The following RANBP2 variants were observed in gnomAD, a reference collection of about 807,000 sequenced individuals.
RANBP2 encodes the protein RAN binding protein 2.
Under a neutral mutation model 303.6 loss-of-function variants are expected in RANBP2, and 57 were observed. The observed-to-expected ratio is 0.19, with a 90% CI of 0.15 to 0.23. The LOEUF (loss-of-function observed/expected upper bound fraction) is 0.23, where lower values mean the gene tolerates loss of function less well. RANBP2 is among the 10% of genes least tolerant of loss of function. The pLI, the probability that RANBP2 is intolerant of heterozygous loss-of-function variation, is 1.00. For synonymous variants in RANBP2, 1,167 were observed against 1,301.5 expected, an observed-to-expected ratio of 0.90 and a Z score of 2.23; for missense variants, 3,138 against 3,780.8, an observed-to-expected ratio of 0.83 and a Z score of 4.46.
At chr2:108,990,347 C>CT in the RANBP2 span, among the ~76,000 whole-genome samples, 1 of 147,402 alleles carries the variant, frequency 6.8e-6, no homozygotes, top group South Asian at 2.1e-4. Context: ...AGGAGAATGG[C>CT]GTGAACCCGG....
chr2:109,239,894 G>A, the RANBP2 span, among the ~76,000 whole-genome samples: 1 of 152,220 alleles, frequency 6.6e-6, no homozygotes, highest in African/African-American at 2.4e-5. Context: ...TGCTGAAGGT[G>A]AGGAGTCACT....
At chr2:109,073,841 T>A in the RANBP2 span, among the ~76,000 whole-genome samples, 1 of 150,658 alleles carries the variant, frequency 6.6e-6, no homozygotes. Context: ...AATTGCAGAG[T>A]ACTTCTATAG....
At chr2:108,937,017 A>AGTGCTGTGCCGGGGAACAGACACG in the RANBP2 span, among the ~76,000 whole-genome samples, 1 of 152,200 alleles carries the variant, frequency 6.6e-6, no homozygotes, top group East Asian at 1.9e-4. Flanking sequence ...GGCCCCCCAC[A>AGTGCTGTGCCGGGGAACAGACACG]GTGCTGTGCC....
the RANBP2 span, among the ~76,000 whole-genome samples, chr2:109,403,965 G>C: frequency 1.3e-5 from 2 of 152,218 alleles, no homozygotes; most frequent in Non-Finnish European, 2.9e-5. Context: ...AGTGTTGGCT[G>C]TGGTGGCTCT....
the RANBP2 span, among the ~76,000 whole-genome samples, chr2:108,928,400 T>C: frequency 6.6e-6 from 1 of 152,152 alleles, no homozygotes; most frequent in African/African-American, 2.4e-5. Flanking sequence ...GTGTGCCTTA[T>C]GCACTAAGCT....
rs1182090959 is a variant in RANBP2, at chr2:108,735,662, A to G, written c.536A>G (p.Lys179Arg). The change falls in exon 5 of 29, where the codon AAA becomes AGA. Residue 179 changes from lysine (K) to arginine (R), a missense_variant. This residue lies in a region of RANBP2 where 306 missense variants were observed against 381.9 expected (regional missense o/e 0.80). Transcript: ENST00000283195. Reference sequence around the variant, plus strand: ...CTAGTGGAGGTGTATCGCTCAACTAAAAGATTGAAGGATGCTGTGGCCCAC... The same window carrying G: ...CTAGTGGAGGTGTATCGCTCAACTAGAAGATTGAAGGATGCTGTGGCCCAC... ...IRLVEVYRST[K>R]RLKDAVAHCH... The G allele has an allele frequency of 1.3e-6, 2 of 1,597,598 alleles. No individual in the cohort carries two copies. The highest frequency in any genetic ancestry group is 2.2e-5 in the South Asian group (2 of 90,992).
At chr2:109,234,152 C>T in the RANBP2 span, among the ~76,000 whole-genome samples, 8 of 152,278 alleles carry the variant, frequency 5.3e-5, no homozygotes, top group East Asian at 1.3e-3. Context: ...TTCAAAATAG[C>T]TATACCATGA....
chr2:109,639,767 C>T, the RANBP2 span, among the ~76,000 whole-genome samples: 1 of 150,618 alleles, frequency 6.6e-6, no homozygotes, highest in African/African-American at 2.4e-5. Context: ...GGCTGGAGTG[C>T]AGTGGTGATC....
At chr2:109,502,118 G>A in the RANBP2 span, 1 of 166,964 alleles carries the variant, frequency 6.0e-6, no homozygotes, top group Non-Finnish European at 1.3e-5. Context: ...GCGGGGCCCA[G>A]GTTGCTCTGT....
At chr2:109,204,496 A>G in the RANBP2 span, among the ~76,000 whole-genome samples, 1 of 152,170 alleles carries the variant, frequency 6.6e-6, no homozygotes, top group East Asian at 1.9e-4. Flanking sequence ...AATCTCCCTT[A>G]TTCTAGACTA....
At chr2:109,233,122 T>A in the RANBP2 span, among the ~76,000 whole-genome samples, 1 of 152,192 alleles carries the variant, frequency 6.6e-6, no homozygotes, top group Non-Finnish European at 1.5e-5. Flanking sequence ...TTAATGCTCC[T>A]TTAGCAGTTG....
At chr2:109,514,697 C>T in the RANBP2 span, among the ~76,000 whole-genome samples, 1 of 152,220 alleles carries the variant, frequency 6.6e-6, no homozygotes, top group Non-Finnish European at 1.5e-5. Flanking sequence ...TCCTTCCCCT[C>T]ATTTTTCACT....
At chr2:109,678,646 C>G in the RANBP2 span, among the ~76,000 whole-genome samples, 9 of 152,230 alleles carry the variant, frequency 5.9e-5, no homozygotes, top group African/African-American at 1.9e-4. Flanking sequence ...ATTTAAGAGT[C>G]ATAAATGGGA....
the RANBP2 span, among the ~76,000 whole-genome samples, chr2:109,316,856 G>A: frequency 6.6e-6 from 1 of 152,212 alleles, no homozygotes; most frequent in African/African-American, 2.4e-5. Flanking sequence ...TACTGTCGCT[G>A]TAGTTCTGCG....
chr2:108,810,486 G>A, the RANBP2 span, among the ~76,000 whole-genome samples: 1 of 152,080 alleles, frequency 6.6e-6, no homozygotes, highest in African/African-American at 2.4e-5. Context: ...GCATATTTGA[G>A]CCTTCCTGTG....
the RANBP2 span, among the ~76,000 whole-genome samples, chr2:109,152,388 A>G: frequency 1.3e-5 from 2 of 152,194 alleles, no homozygotes; most frequent in Non-Finnish European, 2.9e-5. Flanking sequence ...GTTAGCTGAC[A>G]TGTACAGCAA....
chr2:109,490,671 C>T, the RANBP2 span: 4 of 1,521,854 alleles, frequency 2.6e-6, no homozygotes, highest in Non-Finnish European at 3.5e-6. Context: ...GTCACGCTCC[C>T]CGCCATCTGT....
At chr2:108,836,524 G>A in the RANBP2 span, among the ~76,000 whole-genome samples, 47 of 152,298 alleles carry the variant, frequency 3.1e-4, 1 homozygote, top group East Asian at 9.1e-3. Flanking sequence ...ATACCCAGAA[G>A]TGGGATTGCT....
chr2:109,468,365 G>A, the RANBP2 span, among the ~76,000 whole-genome samples: 3 of 152,188 alleles, frequency 2.0e-5, no homozygotes, highest in Middle Eastern at 3.2e-3. Flanking sequence ...TGACAGCTGC[G>A]ACATCAGTAG....
Sources: gnomAD v4.1 joint callset for allele counts (sites outside exome capture counted in the v4.1 genomes callset) on GRCh38, gnomAD v4.1.1 for gene constraint, gnomAD v4.1.1 regional missense constraint, MANE v1.5 for transcripts, NCBI Gene and HGNC (gene_info 2026-07-23, HGNC 2026-07-21) for gene names.